TACC2: variants seen among roughly 807,000 people sequenced by gnomAD.
The protein encoded by TACC2 is transforming acidic coiled-coil containing protein 2, also known as transforming acidic coiled-coil-containing protein 2.
In TACC2, 137 loss-of-function variants were observed where a neutral mutation model predicts 227.3. That is an observed-to-expected ratio of 0.60 (90% CI 0.52 to 0.69). TACC2 has a LOEUF of 0.69. Ranked by LOEUF, TACC2 falls within the 30% of genes least tolerant of loss-of-function variation. The pLI is 0.00. For missense variants in TACC2, 3,470 were observed against 3,694.4 expected (o/e 0.94, Z 1.57); for synonymous variants, 1,523 against 1,487.5 (o/e 1.02, Z -0.55).
chr10:122,053,491 C>T (rs1464774459), intron 3 of TACC2, among the ~76,000 whole-genome samples: 1 of 152,174 alleles, frequency 6.6e-6, no homozygotes, highest in Non-Finnish European at 1.5e-5. Context: ...TCTCCAGAGC[C>T]TGGTGCATTG....
rs528136980 is a variant in TACC2, at chr10:122,164,043, T to C, written c.5834+20337T>C. The C allele has an allele frequency of 3.2e-6, 5 of 1,549,748 alleles. No homozygotes were observed. The East Asian group carries it at 9.8e-5, about 30-fold the overall frequency. ...GAGTCTCCCGGGGAGGAGGAGAGGA[T>C]GCCCGGGCTTTGTTAGTGTCGCCTT... On this transcript the variant is annotated intron_variant, in intron 7 of 22. Coordinates refer to ENST00000369005, the MANE Select transcript of TACC2 (RefSeq NM_206862.4).
chr10:122,083,852 C>T lies in TACC2; in HGVS notation c.1352C>T (p.Pro451Leu). ...GAATCAGTTTCCAAGGCTGGGATGC[C>T]AGTTTCTGCAGATGCAGCCAAAGAG... ...SRESVSKAGM[P>L]VSADAAKEVV... is the part of the protein sequence containing the mutation. Residue 451 changes from proline to leucine, a missense_variant, in exon 4 of 23, where the codon CCA becomes CTA. By Grantham distance (98) the Pro-to-Leu change is moderately conservative. This residue lies in a region of TACC2 where 1,924 missense variants were observed against 1,978.3 expected (regional missense o/e 0.97). Transcript: ENST00000369005. 6.2e-7 allele frequency: 1 copy of T among 1,614,146 alleles called. No homozygotes were observed. The highest frequency in any genetic ancestry group is 8.5e-7 in the Non-Finnish European group (1 of 1,180,030).
chr10:122,220,085 A>T (rs2095494924), intron 11 of TACC2, among the ~76,000 whole-genome samples: 1 of 151,886 alleles, frequency 6.6e-6, no homozygotes, highest in Non-Finnish European at 1.5e-5. Flanking sequence ...AGCTGGACAT[A>T]TGATTTTGAT....
In TACC2 at chr10:122,085,413, C is replaced by T. The variant is rs931864180; in HGVS notation, c.2913C>T (p.Asp971=). 1 of 1,613,934 alleles carries T rather than the reference C, an allele frequency of 6.2e-7. No homozygotes were observed. Residue 971 remains aspartate, a synonymous_variant, in exon 4 of 23, where the codon GAC becomes GAT. Transcript: ENST00000369005. ...CTCCAGCAGCAGATGTCTTAAAAGA[C>T]TTTTCTCTTGCAGGGAACTTCAGCA... ...VSPPAADVLK[D]FSLAGNFSRK... is the part of the protein sequence containing the mutation.
chr10:122,211,751 G>A (rs1319719056), intron 9 of TACC2, 43 bp downstream of exon 9: 7 of 1,496,688 alleles, frequency 4.7e-6, no homozygotes, highest in African/African-American at 1.4e-5. Flanking sequence ...AGGCGGGGGT[G>A]CGCATTGGCT....
At chr10:122,189,184 G>A (rs576820477) in intron 7 of TACC2, among the ~76,000 whole-genome samples, 1 of 152,214 alleles carries the variant, frequency 6.6e-6, no homozygotes, top group East Asian at 1.9e-4. Flanking sequence ...CAGAGATTGG[G>A]GAGGGGAAAG....
At chr10:122,181,960 G>T (rs2093985333) in intron 7 of TACC2, among the ~76,000 whole-genome samples, 1 of 152,120 alleles carries the variant, frequency 6.6e-6, no homozygotes, top group Non-Finnish European at 1.5e-5. Flanking sequence ...CTGCTTTATT[G>T]CACTGCTTGC....
intron 1 of TACC2, among the ~76,000 whole-genome samples, chr10:122,005,120 C>T (rs958862286): frequency 9.2e-5 from 14 of 151,848 alleles, no homozygotes; most frequent in African/African-American, 2.9e-4. Context: ...CTCACCTTGT[C>T]GCCCAGGCTG....
chr10:122,183,568 A>T (rs2094054764), intron 7 of TACC2, among the ~76,000 whole-genome samples: 1 of 152,094 alleles, frequency 6.6e-6, no homozygotes, highest in Non-Finnish European at 1.5e-5. Flanking sequence ...TGTATGAGCG[A>T]AAGGGCCAAA....
At chr10:122,014,032 A>AAAACTGC (rs1491296625) in intron 1 of TACC2, among the ~76,000 whole-genome samples, 2 of 428 alleles carry the variant, frequency 4.7e-3, no homozygotes, top group Non-Finnish European at 9.6e-3. Context: ...ATCATGCTGC[A>AAAACTGC]AAAAAAAAGA....
chr10:122,014,953 G>A (rs7922951), intron 1 of TACC2, among the ~76,000 whole-genome samples: 58,374 of 151,794 alleles, frequency 0.38, 11,341 homozygotes, highest in South Asian at 0.57. Context: ...AGATAAAGGC[G>A]GAAGTTATCT....
intron 7 of TACC2, among the ~76,000 whole-genome samples, chr10:122,183,830 C>T (rs1357419994): frequency 6.6e-6 from 1 of 152,176 alleles, no homozygotes; most frequent in Non-Finnish European, 1.5e-5. Context: ...GCCCTTGCCC[C>T]TGAGTGGTTC....
At chr10:122,064,608 G>A (rs2077191714) in intron 3 of TACC2, among the ~76,000 whole-genome samples, 1 of 152,098 alleles carries the variant, frequency 6.6e-6, no homozygotes, top group Admixed American at 6.5e-5. Flanking sequence ...CAACATTGAG[G>A]ACTTACTATC....
rs2094516998 is a variant in TACC2 at position 122,194,952 on chromosome 10, C to A, written c.5835-88C>A. Reference sequence around the variant, plus strand: ...GTTTAACTGAGCAGCGAGCCAGAACCCACTGGCTCTGGGTGCGAAGGCCAC... The same window carrying A: ...GTTTAACTGAGCAGCGAGCCAGAACACACTGGCTCTGGGTGCGAAGGCCAC... On this transcript the variant is annotated intron_variant, in intron 7 of 22. Coordinates refer to ENST00000369005, the MANE Select transcript of TACC2 (RefSeq NM_206862.4). This position sits in a 1 kb window ranked among gnomAD's most constrained non-coding sequence, Gnocchi z 4.4. 7.2e-7 allele frequency: 1 copy of A among 1,392,688 alleles called. No individual in the cohort carries two copies. Among genetic ancestry groups the A allele is most frequent in the Non-Finnish European group, 9.9e-7 (1 of 1,012,984 alleles). 86.3% of individuals were successfully genotyped at this position (1,392,688 alleles called of 1,614,324 possible).
chr10:122,155,706 A>C (rs2092415103), intron 7 of TACC2, among the ~76,000 whole-genome samples: 1 of 152,140 alleles, frequency 6.6e-6, no homozygotes. Context: ...CTATGATCTT[A>C]AACACAGTTT....
intron 1 of TACC2, among the ~76,000 whole-genome samples, chr10:122,013,072 C>T (rs938731632): frequency 2.0e-5 from 3 of 152,172 alleles, no homozygotes; most frequent in African/African-American, 4.8e-5. Flanking sequence ...CAAGCAGTAA[C>T]TAATAACCGG....
At chr10:122,235,818 C>T (rs1037567167) in intron 16 of TACC2, among the ~76,000 whole-genome samples, 1 of 152,100 alleles carries the variant, frequency 6.6e-6, no homozygotes, top group Non-Finnish European at 1.5e-5. Flanking sequence ...TTCTTGAGGG[C>T]CTGAGCCTGC....
chr10:122,055,273 A>G (rs750883635), intron 3 of TACC2, among the ~76,000 whole-genome samples: 6 of 152,152 alleles, frequency 3.9e-5, no homozygotes, highest in Admixed American at 6.6e-5. Flanking sequence ...AGCATGAGGT[A>G]TGGGAGCGTC....
chr10:122,215,099 A>G (rs1038333573), intron 9 of TACC2, among the ~76,000 whole-genome samples: 3 of 152,204 alleles, frequency 2.0e-5, no homozygotes, highest in Non-Finnish European at 2.9e-5. Context: ...TGCTTTATAA[A>G]ATACGAACAT....
Sources: gnomAD v4.1 joint callset for allele counts (sites outside exome capture counted in the v4.1 genomes callset) on GRCh38, gnomAD v4.1.1 for gene constraint, gnomAD v4.1.1 regional missense constraint, Gnocchi (gnomAD v3.1) non-coding constraint, MANE v1.5 for transcripts, NCBI Gene and HGNC (gene_info 2026-07-23, HGNC 2026-07-21) for gene names.